The following BRINP1 variants were observed in gnomAD, a reference collection of about 807,000 sequenced individuals.
BRINP1 encodes the protein BMP/retinoic acid inducible neural specific 1, also known as BMP/retinoic acid-inducible neural-specific protein 1.
BRINP1 carries 17 observed loss-of-function variants against 72.9 expected under a neutral mutation model. The ratio of observed to expected loss-of-function variants is 0.23; its 90% CI spans 0.16 to 0.35. BRINP1 has a LOEUF of 0.35. Among genes scored for constraint, BRINP1 ranks in the 10% least tolerant of loss-of-function variants. The pLI is 1.00. For synonymous variants in BRINP1, 418 were observed against 378.5 expected, an observed-to-expected ratio of 1.10 and a Z score of -1.21; for missense variants, 850 against 1,001.6, an observed-to-expected ratio of 0.85 and a Z score of 2.04.
rs1386049993 is a variant in BRINP1, at chr9:119,174,680, C to T, written c.1146-6456G>A. Among the ~76,000 whole-genome samples, 386 of 150,612 alleles carry T rather than the reference C, an allele frequency of 2.6e-3. 2 individuals are homozygous for T. Among genetic ancestry groups the T allele is most frequent in the African/African-American group, 8.4e-3 (341 of 40,724 alleles). On this transcript the variant is annotated intron_variant, in intron 7 of 7. Coordinates refer to ENST00000265922, the MANE Select transcript of BRINP1 (RefSeq NM_014618.3). ...GACACATGCACACGTATGTTTATTG[C>T]GGCATTATTCACAATAGCAAAGACT...
intron 2 of BRINP1, among the ~76,000 whole-genome samples, chr9:119,266,424 G>A (rs568824191): frequency 5.9e-5 from 9 of 152,260 alleles, no homozygotes; most frequent in East Asian, 1.9e-4. Flanking sequence ...AGAAAGTGAC[G>A]TTACGATTAT....
chr9:119,213,182 C>T (rs529936321), intron 6 of BRINP1, among the ~76,000 whole-genome samples: 1 of 152,300 alleles, frequency 6.6e-6, no homozygotes, highest in South Asian at 2.1e-4. Context: ...TGACCCCCAA[C>T]TCTACATCGT....
chr9:119,294,301 C>T (rs140204982), intron 2 of BRINP1, among the ~76,000 whole-genome samples: 374 of 151,710 alleles, frequency 2.5e-3, no homozygotes, highest in African/African-American at 8.6e-3. Flanking sequence ...GAGGCCGAGG[C>T]GGATGAATCA....
intron 1 of BRINP1, among the ~76,000 whole-genome samples, chr9:119,326,689 T>C (rs1831244878): frequency 6.6e-6 from 1 of 152,220 alleles, no homozygotes; most frequent in Non-Finnish European, 1.5e-5. Flanking sequence ...GTGTTTATTG[T>C]AGGCCAGTTT....
At chr9:119,253,390 T>C (rs1487689422) in intron 2 of BRINP1, among the ~76,000 whole-genome samples, 2 of 151,886 alleles carry the variant, frequency 1.3e-5, no homozygotes, top group Admixed American at 1.3e-4. Flanking sequence ...ATAAAGAAAA[T>C]ATGTATACAT....
intron 1 of BRINP1, among the ~76,000 whole-genome samples, chr9:119,354,285 C>T (rs890782660): frequency 6.6e-6 from 1 of 152,114 alleles, no homozygotes; most frequent in African/African-American, 2.4e-5. Context: ...CATAAATCCA[C>T]TTTTAGAGAT....
chr9:119,363,664 A>AACTT (rs1444138969), intron 1 of BRINP1, among the ~76,000 whole-genome samples: 1 of 152,238 alleles, frequency 6.6e-6, no homozygotes, highest in Admixed American at 6.5e-5. Flanking sequence ...CTAGAGTGTG[A>AACTT]ACTTAATGAA....
intron 2 of BRINP1, among the ~76,000 whole-genome samples, chr9:119,308,041 G>A (rs781717385): frequency 9.2e-5 from 14 of 151,994 alleles, no homozygotes; most frequent in Non-Finnish European, 1.8e-4. Flanking sequence ...AGCATCAGTT[G>A]GAATAATTTC....
rs1489303129 is a variant in BRINP1, at chr9:119,177,043, G to A, written c.1146-8819C>T. ...CCCCTCCAGGCTCTTAGGCTTGAGA[G>A]GAGAGGTCCCTTCTTCTCCGAGCAC... On this transcript the variant is annotated intron_variant, in intron 7 of 7. Transcript: ENST00000265922. 2.0e-5 allele frequency among the ~76,000 whole-genome samples: 3 copies of A among 152,264 alleles called. No homozygotes were observed. In the East Asian group the frequency reaches 5.8e-4, roughly 29 times the overall value.
intron 3 of BRINP1, among the ~76,000 whole-genome samples, chr9:119,247,289 C>T (rs1830329783): frequency 8.0e-6 from 1 of 124,816 alleles, no homozygotes; most frequent in Admixed American, 8.6e-5. Flanking sequence ...TGGCAACAGA[C>T]AGCTAACACA....
chr9:119,350,033 T>A (rs1831491418), intron 1 of BRINP1, among the ~76,000 whole-genome samples: 1 of 152,196 alleles, frequency 6.6e-6, no homozygotes, highest in African/African-American at 2.4e-5. Context: ...AGTTTCAGGA[T>A]CACTCAAAAC....
At chr9:119,271,004 A>T (rs946222246) in intron 2 of BRINP1, among the ~76,000 whole-genome samples, 3 of 152,196 alleles carry the variant, frequency 2.0e-5, no homozygotes, top group African/African-American at 2.4e-5. Flanking sequence ...ATTATATTAC[A>T]ATATGATAAG....
intron 5 of BRINP1, among the ~76,000 whole-genome samples, chr9:119,235,084 T>C (rs1157310689): frequency 2.0e-5 from 3 of 152,120 alleles, no homozygotes; most frequent in Non-Finnish European, 4.4e-5. Context: ...ATGGTCTAAA[T>C]CCGTGGCATT....
intron 2 of BRINP1, among the ~76,000 whole-genome samples, chr9:119,300,082 C>G (rs1423924087): frequency 6.6e-6 from 1 of 152,204 alleles, no homozygotes; most frequent in Non-Finnish European, 1.5e-5. Flanking sequence ...AGAACAGAAG[C>G]CTTCAAATCT....
At chr9:119,223,014 C>T (rs1195347457) in intron 5 of BRINP1, among the ~76,000 whole-genome samples, 2 of 151,964 alleles carry the variant, frequency 1.3e-5, no homozygotes, top group Admixed American at 1.3e-4. Context: ...TTCTCTTACC[C>T]ATCTCCCTTC....
intron 5 of BRINP1, among the ~76,000 whole-genome samples, chr9:119,220,373 T>C (rs1363620410): frequency 2.6e-5 from 4 of 152,022 alleles, no homozygotes; most frequent in Non-Finnish European, 5.9e-5. Context: ...AAGAAGAATA[T>C]CTGGAAAAGA....
At chr9:119,198,289 A>G (rs1161131771) in intron 7 of BRINP1, among the ~76,000 whole-genome samples, 1 of 152,224 alleles carries the variant, frequency 6.6e-6, no homozygotes, top group Non-Finnish European at 1.5e-5. Flanking sequence ...AATTTCGTCC[A>G]ACAAAGAGCC....
At chr9:119,303,263 C>T (rs1830958731) in intron 2 of BRINP1, among the ~76,000 whole-genome samples, 1 of 148,722 alleles carries the variant, frequency 6.7e-6, no homozygotes, top group African/African-American at 2.5e-5. Context: ...AAGTTACCTA[C>T]ACCCCCCACC....
chr9:119,180,479 A>ATGTGTGTG (rs112009324), intron 7 of BRINP1, among the ~76,000 whole-genome samples: 3 of 132,222 alleles, frequency 2.3e-5, no homozygotes, highest in Admixed American at 7.3e-5. Flanking sequence ...CTCTCTGTGC[A>ATGTGTGTG]TGTGTGTGTG....
Sources: allele counts gnomAD v4.1 joint callset (sites outside exome capture counted in the v4.1 genomes callset), GRCh38; gene constraint gnomAD v4.1.1; transcripts MANE v1.5; gene names NCBI Gene and HGNC (gene_info 2026-07-23, HGNC 2026-07-21).